PRKCE: variants seen among roughly 807,000 people sequenced by gnomAD.
PRKCE encodes the protein protein kinase C epsilon type.
PRKCE carries 16 observed loss-of-function variants against 85.4 expected under a neutral mutation model. The observed-to-expected ratio is 0.19, with a 90% CI of 0.13 to 0.28. The LOEUF is 0.28. Among genes scored for constraint, PRKCE ranks in the 10% least tolerant of loss-of-function variants. The pLI is 1.00. For missense variants in PRKCE, 573 were observed against 975.2 expected, an observed-to-expected ratio of 0.59 and a Z score of 5.49; for synonymous variants, 388 against 371.5, an observed-to-expected ratio of 1.04 and a Z score of -0.51.
intron 1 of PRKCE, among the ~76,000 whole-genome samples, chr2:45,707,845 C>T (rs1159722436): frequency 2.0e-5 from 3 of 152,256 alleles, no homozygotes; most frequent in Non-Finnish European, 4.4e-5. Flanking sequence ...CTGTCCCCTT[C>T]TCCTTAGTTC....
intron 11 of PRKCE, among the ~76,000 whole-genome samples, chr2:46,127,046 G>T (rs951198972): frequency 1.6e-4 from 25 of 152,174 alleles, no homozygotes; most frequent in African/African-American, 6.0e-4. Flanking sequence ...TAGGAGTTCA[G>T]GGGCAAATGC....
intron 10 of PRKCE, among the ~76,000 whole-genome samples, chr2:46,081,244 G>A (rs1319157890): frequency 3.3e-5 from 5 of 152,094 alleles, no homozygotes; most frequent in African/African-American, 1.2e-4. Flanking sequence ...CAAAGTGCTG[G>A]GATCACAGGC....
chr2:46,050,665 G>C (rs1708797383), intron 10 of PRKCE, among the ~76,000 whole-genome samples: 2 of 152,170 alleles, frequency 1.3e-5, no homozygotes, highest in South Asian at 4.1e-4. Flanking sequence ...GGTTCTAAAG[G>C]TAAAGGTATC....
At chr2:46,173,861 T>C (rs1013524402) in intron 14 of PRKCE, among the ~76,000 whole-genome samples, 11 of 152,238 alleles carry the variant, frequency 7.2e-5, no homozygotes, top group Non-Finnish European at 1.3e-4. Flanking sequence ...TGCTGTTAGC[T>C]AATACCTGAA....
At chr2:45,971,709 G>A (rs1208263260) in intron 2 of PRKCE, among the ~76,000 whole-genome samples, 1 of 152,168 alleles carries the variant, frequency 6.6e-6, no homozygotes, top group African/African-American at 2.4e-5. Flanking sequence ...AGAAGCACAA[G>A]GAGAAAAGTA....
At chr2:45,996,687 C>A (rs1704248285) in intron 6 of PRKCE, among the ~76,000 whole-genome samples, 1 of 152,006 alleles carries the variant, frequency 6.6e-6, no homozygotes, top group Non-Finnish European at 1.5e-5. Context: ...TGGGATAAAT[C>A]CTACTTGGTC....
chr2:45,652,486 T>C lies in PRKCE; in HGVS notation c.348+38T>C, dbSNP rs369322424. 2 of 1,537,044 alleles carry C rather than the reference T, an allele frequency of 1.3e-6. No homozygotes were observed. Among genetic ancestry groups the C allele is most frequent in the African/African-American group, 2.7e-5 (2 of 73,408 alleles). On this transcript the variant is annotated intron_variant, in intron 1 of 14. Coordinates refer to ENST00000306156, the MANE Select transcript of PRKCE (RefSeq NM_005400.3). The surrounding 1 kb of genome is among the most constrained non-coding windows in gnomAD (Gnocchi z 7.7). ...CCTCCCCGTCATTCCGGGAACCCGG[T>C]TGTGGGGTCCCGGGGAAAGACTCGC...
At chr2:46,066,983 AG>A (rs756815018) in intron 10 of PRKCE, among the ~76,000 whole-genome samples, 1 of 152,246 alleles carries the variant, frequency 6.6e-6, no homozygotes, top group African/African-American at 2.4e-5. Flanking sequence ...GTGCATGGAC[AG>A]GAACTAGAAC....
chr2:46,030,773 C>T (rs953327743), intron 10 of PRKCE, among the ~76,000 whole-genome samples: 4 of 152,214 alleles, frequency 2.6e-5, no homozygotes, highest in Non-Finnish European at 5.9e-5. Flanking sequence ...TCTAACCCAC[C>T]ATTTGTTTCT....
intron 11 of PRKCE, among the ~76,000 whole-genome samples, chr2:46,123,800 A>G (rs1438869477): frequency 6.6e-6 from 1 of 152,186 alleles, no homozygotes; most frequent in African/African-American, 2.4e-5. Flanking sequence ...TTTATGTTGT[A>G]TCTATGTCTT....
intron 2 of PRKCE, among the ~76,000 whole-genome samples, chr2:45,949,252 A>G (rs1056968622): frequency 2.0e-5 from 3 of 152,236 alleles, no homozygotes; most frequent in Admixed American, 6.5e-5. Context: ...GTTGCTTTAC[A>G]TCCTTACTAA....
Position 45,969,758 on chromosome 2 carries a change from A to G in PRKCE, c.413-6671A>G, listed in dbSNP as rs139666233. Among the ~76,000 whole-genome samples, 377 of 152,330 alleles carry G rather than the reference A, an allele frequency of 2.5e-3. 8 individuals carry two copies. Among genetic ancestry groups the G allele is most frequent in the Admixed American group, 0.022 (338 of 15,306 alleles). On this transcript the variant is annotated intron_variant, in intron 2 of 14. Transcript: ENST00000306156. Reference sequence around the variant, plus strand: ...AGAACACTTTTTCAAATGTCAGCCTATATAATCCCATCATCCTAGTGGAGC... The same window carrying G: ...AGAACACTTTTTCAAATGTCAGCCTGTATAATCCCATCATCCTAGTGGAGC...
At chr2:45,864,654 G>A (rs1693438401) in intron 2 of PRKCE, among the ~76,000 whole-genome samples, 1 of 152,176 alleles carries the variant, frequency 6.6e-6, no homozygotes, top group South Asian at 2.1e-4. Flanking sequence ...CATACCAAGG[G>A]ATCCCAGGTT....
intron 1 of PRKCE, among the ~76,000 whole-genome samples, chr2:45,662,246 T>A (rs1466001631): frequency 6.6e-6 from 1 of 152,228 alleles, no homozygotes; most frequent in African/African-American, 2.4e-5. Context: ...ATATGCCAGG[T>A]GCTATGCCCA....
In PRKCE at chr2:46,007,450, C is replaced by G. The variant is rs749707081; in HGVS notation, c.1064-12C>G. Reference sequence around the variant, plus strand: ...ATGCACTAATGCAATTTCTTGTTCCCCTTGGCCCTAGAAATAAAAGAACTT... The same window carrying G: ...ATGCACTAATGCAATTTCTTGTTCCGCTTGGCCCTAGAAATAAAAGAACTT... On this transcript the variant is annotated splice_polypyrimidine_tract_variant and intron_variant, in intron 8 of 14. Coordinates refer to ENST00000306156, the MANE Select transcript of PRKCE (RefSeq NM_005400.3). 1 of 1,599,582 alleles carries G rather than the reference C, an allele frequency of 6.3e-7. No homozygotes were observed.
chr2:46,060,034 G>A (rs1391457336), intron 10 of PRKCE, among the ~76,000 whole-genome samples: 1 of 151,750 alleles, frequency 6.6e-6, no homozygotes, highest in Non-Finnish European at 1.5e-5. Context: ...CACATATATG[G>A]GAAAAATTAA....
intron 1 of PRKCE, among the ~76,000 whole-genome samples, chr2:45,782,664 T>C (rs1047123446): frequency 2.6e-5 from 4 of 152,200 alleles, no homozygotes; most frequent in African/African-American, 4.8e-5. Context: ...TTGTTTTTTA[T>C]GAACTGTCCA....
intron 1 of PRKCE, among the ~76,000 whole-genome samples, chr2:45,766,931 C>T (rs1206760120): frequency 6.6e-6 from 1 of 152,062 alleles, no homozygotes; most frequent in East Asian, 1.9e-4. Context: ...GTCCCAGCTA[C>T]TCAGGAGGCT....
At chr2:45,773,714 G>A (rs992695964) in intron 1 of PRKCE, among the ~76,000 whole-genome samples, 13 of 152,178 alleles carry the variant, frequency 8.5e-5, no homozygotes, top group African/African-American at 2.9e-4. Context: ...TTCAGAAATG[G>A]CAGGGAGGAG....
Sources: gnomAD v4.1 joint callset for allele counts (sites outside exome capture counted in the v4.1 genomes callset) on GRCh38, gnomAD v4.1.1 for gene constraint, Gnocchi (gnomAD v3.1) non-coding constraint, MANE v1.5 for transcripts, NCBI Gene and HGNC (gene_info 2026-07-23, HGNC 2026-07-21) for gene names.